The following AGBL4 variants were observed in gnomAD, a reference collection of about 807,000 sequenced individuals.
The protein encoded by AGBL4 is AGBL carboxypeptidase 4.
Under a neutral mutation model 66.4 loss-of-function variants are expected in AGBL4, and 58 were observed. That is an observed-to-expected ratio of 0.87 (90% CI 0.71 to 1.09). AGBL4 has a LOEUF of 1.09. AGBL4 is among the 50% of genes least tolerant of loss of function. AGBL4 has a pLI of 0.00. For missense variants in AGBL4, 579 were observed against 631.0 expected, an observed-to-expected ratio of 0.92 and a Z score of 0.88; for synonymous variants, 234 against 222.9, an observed-to-expected ratio of 1.05 and a Z score of -0.44.
intron 2 of AGBL4, chr1:49,842,267 G>A (rs537831783): frequency 3.1e-5 from 14 of 445,020 alleles, no homozygotes; most frequent in East Asian, 1.8e-4. Context: ...AATGCTGGAC[G>A]CCTTCAGGCT....
At chr1:49,075,863 T>C (rs182768184) in intron 4 of AGBL4, among the ~76,000 whole-genome samples, 1 of 152,330 alleles carries the variant, frequency 6.6e-6, no homozygotes, top group African/African-American at 2.4e-5. Context: ...CATAATCCTG[T>C]ATTCTTAATG....
chr1:48,568,445 A>G (rs1399720234), intron 11 of AGBL4, among the ~76,000 whole-genome samples: 1 of 152,096 alleles, frequency 6.6e-6, no homozygotes, highest in Non-Finnish European at 1.5e-5. Flanking sequence ...CCTGGGGTAG[A>G]GCTGAAGTGG....
At chr1:48,801,624 G>A (rs1161622064) in intron 6 of AGBL4, among the ~76,000 whole-genome samples, 1 of 152,148 alleles carries the variant, frequency 6.6e-6, no homozygotes, top group East Asian at 1.9e-4. Flanking sequence ...TCTGTGTTCT[G>A]GATTTTCAGG....
intron 1 of AGBL4, among the ~76,000 whole-genome samples, chr1:49,854,740 T>C (rs1028920115): frequency 2.6e-5 from 4 of 152,090 alleles, no homozygotes; most frequent in Non-Finnish European, 5.9e-5. Context: ...TGTAGCCATA[T>C]AGTGCCCTAA....
At chr1:49,581,054 T>C (rs1317964126) in intron 3 of AGBL4, among the ~76,000 whole-genome samples, 1 of 152,156 alleles carries the variant, frequency 6.6e-6, no homozygotes, top group Non-Finnish European at 1.5e-5. Context: ...TTTTTTTCTT[T>C]ATATTTTGCC....
intron 3 of AGBL4, among the ~76,000 whole-genome samples, chr1:49,422,515 G>C (rs1645567706): frequency 6.6e-6 from 1 of 152,136 alleles, no homozygotes; most frequent in South Asian, 2.1e-4. Context: ...TTTTTGATCA[G>C]AACAATTGAA....
chr1:49,710,881 G>T (rs1296775472), intron 2 of AGBL4, among the ~76,000 whole-genome samples: 3 of 151,422 alleles, frequency 2.0e-5, no homozygotes, highest in African/African-American at 7.2e-5. Flanking sequence ...CTCTTATGAA[G>T]CAAAAAATTA....
At chr1:49,557,671 G>C (rs1389911547) in intron 3 of AGBL4, among the ~76,000 whole-genome samples, 1 of 152,018 alleles carries the variant, frequency 6.6e-6, no homozygotes, top group Non-Finnish European at 1.5e-5. Context: ...AAAGTGGTCT[G>C]GGTCTCTAAG....
At chr1:49,603,390 T>C (rs1257270488) in intron 3 of AGBL4, among the ~76,000 whole-genome samples, 1 of 151,920 alleles carries the variant, frequency 6.6e-6, no homozygotes, top group Non-Finnish European at 1.5e-5. Flanking sequence ...CCAGGTGTGG[T>C]GGTGGGCACC....
chr1:49,997,149 A>G (rs1232206769), intron 1 of AGBL4, among the ~76,000 whole-genome samples: 1 of 152,162 alleles, frequency 6.6e-6, no homozygotes, highest in Non-Finnish European at 1.5e-5. Flanking sequence ...ATATAATGAA[A>G]AAAATGAGGT....
intron 2 of AGBL4, among the ~76,000 whole-genome samples, chr1:49,807,287 G>C (rs1171594396): frequency 6.6e-6 from 1 of 152,118 alleles, no homozygotes; most frequent in Non-Finnish European, 1.5e-5. Context: ...AGAGCTTTGG[G>C]GACTCAATCC....
At chr1:49,182,807 A>C (rs1382922025) in intron 4 of AGBL4, among the ~76,000 whole-genome samples, 1 of 152,114 alleles carries the variant, frequency 6.6e-6, no homozygotes, top group East Asian at 1.9e-4. Context: ...AATTTTATTT[A>C]GTTCTCCTAA....
intron 5 of AGBL4, among the ~76,000 whole-genome samples, chr1:49,023,760 T>C (rs1557570605): frequency 1.3e-5 from 2 of 152,170 alleles, no homozygotes; most frequent in Admixed American, 6.6e-5. Flanking sequence ...CCACCAATAT[T>C]ATAAATGGCA....
At chr1:49,913,906 C>T (rs1651117900) in intron 1 of AGBL4, among the ~76,000 whole-genome samples, 1 of 152,272 alleles carries the variant, frequency 6.6e-6, no homozygotes, top group Non-Finnish European at 1.5e-5. Flanking sequence ...GGCAGCAAGC[C>T]CATGGAGGGT....
At chr1:48,794,907 T>C (rs1399014357) in intron 6 of AGBL4, among the ~76,000 whole-genome samples, 1 of 152,160 alleles carries the variant, frequency 6.6e-6, no homozygotes, top group Non-Finnish European at 1.5e-5. Flanking sequence ...ATATTTCAAA[T>C]CCATCTCTTC....
At chr1:48,616,649 G>C (rs767177133) in intron 9 of AGBL4, among the ~76,000 whole-genome samples, 2 of 152,202 alleles carry the variant, frequency 1.3e-5, no homozygotes, top group Non-Finnish European at 2.9e-5. Flanking sequence ...CATTAAGTGA[G>C]ATAATGTGTG....
At chr1:48,772,779 A>G (rs1432706048) in intron 6 of AGBL4, among the ~76,000 whole-genome samples, 1 of 152,258 alleles carries the variant, frequency 6.6e-6, no homozygotes, top group Non-Finnish European at 1.5e-5. Context: ...ATAAGAGCTG[A>G]TGCTGACCTG....
At chr1:49,240,914 G>GTCCC (rs751565581) in intron 4 of AGBL4, among the ~76,000 whole-genome samples, 10 of 151,622 alleles carry the variant, frequency 6.6e-5, no homozygotes, top group Non-Finnish European at 1.0e-4. Context: ...TCCTCCTATG[G>GTCCC]TCCCTATCTT....
chr1:49,757,601 TGGTCTCA>T (rs1184725969), intron 2 of AGBL4, among the ~76,000 whole-genome samples: 1 of 152,188 alleles, frequency 6.6e-6, no homozygotes, highest in Non-Finnish European at 1.5e-5. Flanking sequence ...CAGGTTGAGG[TGGTCTCA>T]GATGCAGATG....
Sources: allele counts gnomAD v4.1 joint callset (sites outside exome capture counted in the v4.1 genomes callset), GRCh38; gene constraint gnomAD v4.1.1; transcripts MANE v1.5; gene names NCBI Gene and HGNC (gene_info 2026-07-23, HGNC 2026-07-21).